COLGALT2: variants seen among roughly 807,000 people sequenced by gnomAD.
COLGALT2 encodes the protein collagen beta(1-O)galactosyltransferase 2.
A neutral mutation model predicts 73.4 loss-of-function variants in COLGALT2; 49 were observed. The observed-to-expected ratio is 0.67, with a 90% confidence interval of 0.53 to 0.85. COLGALT2 has a LOEUF of 0.85. Ranked by LOEUF, COLGALT2 falls within the 40% of genes least tolerant of loss-of-function variation. The probability of loss-of-function intolerance (pLI) is 0.00; values close to 1 mark genes in which losing one functional copy is unlikely to be tolerated. For synonymous variants in COLGALT2, 295 were observed against 307.6 expected (o/e 0.96, Z 0.43); for missense variants, 722 against 790.2 (o/e 0.91, Z 1.03).
At chr1:184,031,817 A>ATCCATCCATCCT (rs369842594) in intron 1 of COLGALT2, among the ~76,000 whole-genome samples, 72 of 139,306 alleles carry the variant, frequency 5.2e-4, no homozygotes, top group Non-Finnish European at 2.8e-4. Flanking sequence ...CCATGAATGT[A>ATCCATCCATCCT]TCCTTCCTTC....
Position 183,945,636 on chromosome 1 carries a change from A to C in COLGALT2, c.1137-72T>G, listed in dbSNP as rs1348369695. 7 of 1,566,162 alleles carry C rather than the reference A, an allele frequency of 4.5e-6. No individual in the cohort carries two copies. In the African/African-American group the frequency reaches 9.5e-5, roughly 21 times the overall value. On this transcript the variant is annotated intron_variant, in intron 8 of 11. Transcript: ENST00000361927. ...CACCACAAAGGCCAGAGAAAGAGAG[A>C]GTTAGTTCTGCAAACACCCCTCCCC...
At chr1:183,976,902 T>A (rs2102818631) in intron 2 of COLGALT2, among the ~76,000 whole-genome samples, 1 of 152,144 alleles carries the variant, frequency 6.6e-6, no homozygotes, top group Non-Finnish European at 1.5e-5. Context: ...AGGATAAGAA[T>A]TAGTTATAAA....
intron 6 of COLGALT2, among the ~76,000 whole-genome samples, chr1:183,956,853 G>A (rs1333944376): frequency 2.6e-5 from 4 of 152,210 alleles, no homozygotes; most frequent in Non-Finnish European, 5.9e-5. Flanking sequence ...GAGGAAAACA[G>A]GAAGTGATAC....
At chr1:183,983,330 G>T (rs984894561) in intron 1 of COLGALT2, among the ~76,000 whole-genome samples, 1 of 152,142 alleles carries the variant, frequency 6.6e-6, no homozygotes, top group Non-Finnish European at 1.5e-5. Flanking sequence ...GGTGGTCCCC[G>T]CTTAAGACTA....
At chr1:183,967,489 C>T (rs1480210322) in intron 5 of COLGALT2, among the ~76,000 whole-genome samples, 2 of 152,226 alleles carry the variant, frequency 1.3e-5, no homozygotes, top group African/African-American at 4.8e-5. Flanking sequence ...CACACAAAAT[C>T]CTGGTGAACA....
At chr1:183,953,902 C>T (rs774217792) in intron 7 of COLGALT2, among the ~76,000 whole-genome samples, 1 of 152,128 alleles carries the variant, frequency 6.6e-6, no homozygotes, top group Non-Finnish European at 1.5e-5. Flanking sequence ...TATATGTTAC[C>T]ATGTGATAAA....
Position 183,945,420 on chromosome 1 carries a change from A to ACTGCATCATAAAACT in COLGALT2, c.1269+11_1269+12insAGTTTTATGATGCAG, listed in dbSNP as rs1670221704. The stretch of plus-strand genomic sequence containing the variant: ...CATCATAAAACTGCAATCTGAATAA[A>ACTGCATCATAAAACT]GCATTATTTACCTCTTTCCAGACTG... On this transcript the variant is annotated intron_variant, in intron 9 of 11. Transcript: ENST00000361927. 2 of 1,613,118 alleles carry ACTGCATCATAAAACT rather than the reference A, an allele frequency of 1.2e-6. No homozygotes were observed. The highest frequency in any genetic ancestry group is 2.7e-5 in the African/African-American group (2 of 74,990).
chr1:183,938,617 GATCT>G lies in COLGALT2; in HGVS notation c.*140_*143del. 1 of 1,424,886 alleles carries G rather than the reference GATCT, an allele frequency of 7.0e-7. No homozygotes were observed. The highest frequency in any genetic ancestry group is 9.2e-7 in the Non-Finnish European group (1 of 1,086,358). 88.3% of individuals were successfully genotyped at this position (1,424,886 alleles called of 1,614,324 possible). A position where few individuals can be genotyped will look rare whatever the true frequency, so the allele number is the denominator to read the frequency against. On this transcript the variant is annotated 3_prime_UTR_variant, in exon 12 of 12. Coordinates refer to ENST00000361927, the MANE Select transcript of COLGALT2 (RefSeq NM_015101.4). Reference sequence around the variant, plus strand: ...CCATGGTCAAAAATATGTTAATTTCGATCTATCACACTAGATCACTTTGGTTAGA... The same window carrying G: ...CCATGGTCAAAAATATGTTAATTTCGATCACACTAGATCACTTTGGTTAGA...
intron 7 of COLGALT2, among the ~76,000 whole-genome samples, chr1:183,953,343 A>G (rs1670457892): frequency 6.6e-6 from 1 of 152,184 alleles, no homozygotes; most frequent in Admixed American, 6.5e-5. Context: ...AGAGTCTCCG[A>G]GCCTGTGCCA....
chr1:184,014,120 G>T (rs1648922211), intron 1 of COLGALT2, among the ~76,000 whole-genome samples: 1 of 152,202 alleles, frequency 6.6e-6, no homozygotes, highest in African/African-American at 2.4e-5. Context: ...AGAGAGTTGG[G>T]AGTCATAGGC....
chr1:183,932,909 G>C (rs975229704), downstream of COLGALT2, among the ~76,000 whole-genome samples: 1 of 152,156 alleles, frequency 6.6e-6, no homozygotes, highest in African/African-American at 2.4e-5. Context: ...ACCCCCTTCT[G>C]TGTCTGTCCA....
Position 183,938,381 on chromosome 1 carries a change from G to A in COLGALT2, c.*380C>T, listed in dbSNP as rs1252803951. The A allele has an allele frequency of 2.9e-6, 3 of 1,049,066 alleles. No homozygotes were observed. The highest frequency in any genetic ancestry group is 3.3e-5 in the African/African-American group (2 of 60,172). 65.0% of individuals were successfully genotyped at this position (1,049,066 alleles called of 1,614,324 possible). On this transcript the variant is annotated 3_prime_UTR_variant, in exon 12 of 12. Transcript: ENST00000361927. ...GTGGTCTAGTTGGCCTGGCTGCCTT[G>A]ACTACATATTTGCTGATGTGACAGC...
intron 1 of COLGALT2, among the ~76,000 whole-genome samples, chr1:184,014,644 A>G (rs376307887): frequency 3.3e-5 from 5 of 152,328 alleles, no homozygotes; most frequent in African/African-American, 1.2e-4. Context: ...CAAGTAATAA[A>G]TAAATATCTG....
Position 183,938,699 on chromosome 1 carries a change from A to T in COLGALT2, c.*62T>A. On this transcript the variant is annotated 3_prime_UTR_variant, in exon 12 of 12. Coordinates refer to ENST00000361927, the MANE Select transcript of COLGALT2 (RefSeq NM_015101.4). The stretch of plus-strand genomic sequence containing the variant: ...AACAGAAAACTGGAGCAAACAGATG[A>T]ATAGCCCTTTAGAAAAACCAGAGGA... 2 of 1,582,898 alleles carry T rather than the reference A, an allele frequency of 1.3e-6. No individual in the cohort carries two copies. Among genetic ancestry groups the T allele is most frequent in the Non-Finnish European group, 1.7e-6 (2 of 1,164,156 alleles).
intron 1 of COLGALT2, among the ~76,000 whole-genome samples, chr1:184,029,371 T>C (rs74132775): frequency 0.044 from 6,767 of 152,292 alleles, 481 homozygotes; most frequent in African/African-American, 0.15. Context: ...TTCCCCAAAG[T>C]AGTTACTGCT....
chr1:183,940,997 C>T (rs1394777446), intron 10 of COLGALT2, among the ~76,000 whole-genome samples: 1 of 152,216 alleles, frequency 6.6e-6, no homozygotes, highest in African/African-American at 2.4e-5. Flanking sequence ...CTCCATTTAT[C>T]AACACCCCCA....
intron 1 of COLGALT2, among the ~76,000 whole-genome samples, chr1:183,987,184 G>A (rs1369532108): frequency 2.0e-5 from 3 of 152,152 alleles, no homozygotes; most frequent in Non-Finnish European, 4.4e-5. Context: ...TCTGAGACAA[G>A]ACAAATATGT....
At chr1:183,947,964 T>C (rs1670295311) in intron 8 of COLGALT2, among the ~76,000 whole-genome samples, 1 of 152,070 alleles carries the variant, frequency 6.6e-6, no homozygotes, top group African/African-American at 2.4e-5. Flanking sequence ...CTATGAACAA[T>C]TGTATGGCAA....
intron 1 of COLGALT2, among the ~76,000 whole-genome samples, chr1:184,007,230 CTT>C (rs772339986): frequency 3.3e-5 from 5 of 152,200 alleles, no homozygotes; most frequent in Non-Finnish European, 7.3e-5. Flanking sequence ...CTCTATGACT[CTT>C]GGGAAAAAGG....
Sources: gnomAD v4.1 joint callset for allele counts (sites outside exome capture counted in the v4.1 genomes callset) on GRCh38, gnomAD v4.1.1 for gene constraint, MANE v1.5 for transcripts, NCBI Gene and HGNC (gene_info 2026-07-23, HGNC 2026-07-21) for gene names.